Variants in CYB561 observed in about 807,000 individuals in gnomAD.
CYB561 encodes the protein cytochrome b561.
CYB561 carries 11 observed loss-of-function variants against 25.3 expected under a neutral mutation model. The observed-to-expected ratio is 0.44, with a 90% CI of 0.27 to 0.72. The LOEUF (loss-of-function observed/expected upper bound fraction) is 0.72, where lower values mean the gene tolerates loss of function less well. Among genes scored for constraint, CYB561 ranks in the 30% least tolerant of loss-of-function variants. CYB561 has a pLI of 0.18. For synonymous variants in CYB561, 165 were observed against 158.8 expected (o/e 1.04, Z -0.29); for missense variants, 295 against 334.9 (o/e 0.88, Z 0.93).
intron 1 of CYB561, among the ~76,000 whole-genome samples, chr17:63,440,504 C>T (rs1165004871): frequency 6.6e-6 from 1 of 152,174 alleles, no homozygotes; most frequent in African/African-American, 2.4e-5. Flanking sequence ...TAAGTGCCCC[C>T]GAGTGCCAGT....
In CYB561 at chr17:63,433,642, CAGGA is replaced by C. The variant is rs2049259268; in HGVS notation, c.*756_*759del. ...GGGTGCTACAAGGAGGGAGCCCCAG[CAGGA>C]AGGGGCTGCAAGGTGCCCCCCATCC... On this transcript the variant is annotated 3_prime_UTR_variant, in exon 6 of 6. Transcript: ENST00000360793. The C allele has an allele frequency of 2.7e-6, 1 of 368,914 alleles. No individual in the cohort carries two copies. The highest frequency in any genetic ancestry group is 2.1e-5 in the African/African-American group (1 of 47,934). 22.9% of individuals were successfully genotyped at this position (368,914 alleles called of 1,614,324 possible). A position where few individuals can be genotyped will look rare whatever the true frequency, so the allele number is the denominator to read the frequency against.
rs897159722 is a variant in CYB561, at chr17:63,432,524, G to A, written c.*1878C>T. On this transcript the variant is annotated 3_prime_UTR_variant, in exon 6 of 6. Coordinates refer to ENST00000360793, the MANE Select transcript of CYB561 (RefSeq NM_001915.4). Reference sequence around the variant, plus strand: ...TTCTCTCTGTAGCATTCCGGCTAGAGAGAGACACGATTGTACTTTGGTAGT... The same window carrying A: ...TTCTCTCTGTAGCATTCCGGCTAGAAAGAGACACGATTGTACTTTGGTAGT... 2.6e-5 allele frequency: 4 copies of A among 152,206 alleles called. No homozygotes were observed. Among genetic ancestry groups the A allele is most frequent in the Admixed American group, 2.6e-4 (4 of 15,272 alleles). 9.4% of individuals were successfully genotyped at this position (152,206 alleles called of 1,614,324 possible). A position where few individuals can be genotyped will look rare whatever the true frequency, so the allele number is the denominator to read the frequency against.
chr17:63,435,917 AGT>A, intron 3 of CYB561, 126 bp from the exon 4 acceptor site: 1 of 1,581,722 alleles, frequency 6.3e-7, no homozygotes, highest in Non-Finnish European at 8.6e-7. Context: ...GCCAGCACCT[AGT>A]GGCCCTGCAG....
chr17:63,445,077 G>A (rs1411215675), intron 1 of CYB561, among the ~76,000 whole-genome samples: 2 of 152,184 alleles, frequency 1.3e-5, no homozygotes, highest in Non-Finnish European at 2.9e-5. Flanking sequence ...TAGGGAGGCT[G>A]GAACAGGAGA....
At chr17:63,435,460 C>A in intron 4 of CYB561, 2 of 686,374 alleles carry the variant, frequency 2.9e-6, no homozygotes, top group East Asian at 5.4e-5. Context: ...ACTCAGAAAG[C>A]TGGGCTTGTG....
chr17:63,434,607 G>A lies in CYB561; in HGVS notation c.564-13C>T. 6.3e-7 allele frequency: 1 copy of A among 1,598,706 alleles called. No homozygotes were observed. Among genetic ancestry groups the A allele is most frequent in the South Asian group, 1.1e-5 (1 of 90,726 alleles). On this transcript the variant is annotated splice_polypyrimidine_tract_variant and intron_variant, in intron 5 of 5. Coordinates refer to ENST00000360793, the MANE Select transcript of CYB561 (RefSeq NM_001915.4). ...GCTATACTTGCCCCTGCAGGGGTGA[G>A]AGGAAGGGAGAAGCTGCCCAAGGGG...
In CYB561 at chr17:63,433,217, T is replaced by C. The variant is rs896165988; in HGVS notation, c.*1185A>G. ...CTGGCTAATTTTTTTGTATTTTTAGTAGAGACGGGGTTTCACTGTGTTTGT... is the reference window on the plus strand; with the variant it reads ...CTGGCTAATTTTTTTGTATTTTTAGCAGAGACGGGGTTTCACTGTGTTTGT... On this transcript the variant is annotated 3_prime_UTR_variant, in exon 6 of 6. Transcript: ENST00000360793. The C allele has an allele frequency of 1.0e-5, 4 of 391,336 alleles. No homozygotes were observed. The highest frequency in any genetic ancestry group is 1.8e-5 in the Non-Finnish European group (4 of 221,908). 24.2% of individuals were successfully genotyped at this position (391,336 alleles called of 1,614,324 possible). A position where few individuals can be genotyped will look rare whatever the true frequency, so the allele number is the denominator to read the frequency against.
chr17:63,434,086 C>T lies in CYB561; in HGVS notation c.*316G>A. The stretch of plus-strand genomic sequence containing the variant: ...GCATCTGCTGCCAGGAGGGTGGGGC[C>T]TCCTCTCTCGCTTCTTTAAAGATCT... On this transcript the variant is annotated 3_prime_UTR_variant, in exon 6 of 6. Coordinates refer to ENST00000360793, the MANE Select transcript of CYB561 (RefSeq NM_001915.4). The T allele has an allele frequency of 3.2e-6, 1 of 313,514 alleles. No individual in the cohort carries two copies. Among genetic ancestry groups the T allele is most frequent in the Non-Finnish European group, 5.8e-6 (1 of 171,692 alleles). The allele number at this position is 313,514 out of a possible 1,614,324, so 19.4% of individuals were successfully genotyped here.
At position 63,436,221 on chromosome 17, in the gene CYB561, G is replaced by A. The variant is rs1490818176; in HGVS notation, c.203-69C>T. 2 of 1,569,454 alleles carry A rather than the reference G, an allele frequency of 1.3e-6. No individual in the cohort carries two copies. The highest frequency in any genetic ancestry group is 2.3e-5 in the East Asian group (1 of 43,862). Reference sequence around the variant, plus strand: ...GTGAGGCCTCCTGCCCCAGCAGCAAGGAGGCACCTTGGTGGAGAGGTGATG... The same window carrying A: ...GTGAGGCCTCCTGCCCCAGCAGCAAAGAGGCACCTTGGTGGAGAGGTGATG... On this transcript the variant is annotated intron_variant, in intron 2 of 5. Coordinates refer to ENST00000360793, the MANE Select transcript of CYB561 (RefSeq NM_001915.4). This position sits in a 1 kb window ranked among gnomAD's most constrained non-coding sequence, Gnocchi z 4.8.
intron 1 of CYB561, among the ~76,000 whole-genome samples, chr17:63,443,713 G>A (rs1014223259): frequency 3.9e-5 from 6 of 152,142 alleles, no homozygotes; most frequent in African/African-American, 7.2e-5. Context: ...CAGCAGCCTC[G>A]AACTCCTGGG....
chr17:63,443,873 G>A (rs1242921933), intron 1 of CYB561, among the ~76,000 whole-genome samples: 1 of 152,170 alleles, frequency 6.6e-6, no homozygotes, highest in Admixed American at 6.5e-5. Context: ...CAGTCCTCCT[G>A]CCCCAGCCTC....
chr17:63,436,169 A>C lies in CYB561; in HGVS notation c.203-17T>G. 3 of 1,612,454 alleles carry C rather than the reference A, an allele frequency of 1.9e-6. No homozygotes were observed. Among genetic ancestry groups the C allele is most frequent in the Non-Finnish European group, 2.5e-6 (3 of 1,178,734 alleles). On this transcript the variant is annotated splice_polypyrimidine_tract_variant and intron_variant, in intron 2 of 5. Transcript: ENST00000360793. The surrounding 1 kb of genome is among the most constrained non-coding windows in gnomAD (Gnocchi z 4.8). ...CCAGCAGGGCTGTGGGAGGTGAGAG[A>C]GGGAACGTGAGTGCATCCGCCTGTG...
At position 63,434,573 on chromosome 17, in the gene CYB561, C is replaced by T. The variant is rs746401359; in HGVS notation, c.585G>A (p.Glu195=). The T allele has an allele frequency of 6.2e-7, 1 of 1,610,956 alleles. No individual in the cohort carries two copies. Among genetic ancestry groups the T allele is most frequent in the African/African-American group, 1.3e-5 (1 of 74,892 alleles). The change falls in exon 6 of 6, where the codon GAG becomes GAA. Residue 195 remains glutamate, a synonymous_variant. Coordinates refer to ENST00000360793, the MANE Select transcript of CYB561 (RefSeq NM_001915.4). ...GCACGTTGGCCAGGACACCCTCGGG[C>T]TCAAATGCGCTATACTTGCCCCTGC... The part of the protein sequence containing the change: ...FNLGGKYSAF[E]PEGVLANVLG...
chr17:63,437,326 G>A lies in CYB561; in HGVS notation c.202+20C>T. On this transcript the variant is annotated intron_variant, in intron 2 of 5. Coordinates refer to ENST00000360793, the MANE Select transcript of CYB561 (RefSeq NM_001915.4). ...GACCCCCACAAGCCCGGGAAAAGAG[G>A]AGCGGCCCATGGGACTCACCATTTC... 6.3e-7 allele frequency: 1 copy of A among 1,598,360 alleles called. No individual in the cohort carries two copies. Among genetic ancestry groups the A allele is most frequent in the Non-Finnish European group, 8.6e-7 (1 of 1,166,788 alleles).
chr17:63,437,987 C>CCCGCGCCCCCCCG, intron 1 of CYB561: 1 of 986,152 alleles, frequency 1.0e-6, no homozygotes, highest in Non-Finnish European at 1.4e-6. Flanking sequence ...CACCCTCCCC[C>CCCGCGCCCCCCCG]GAGGCTCCCG....
At chr17:63,435,291 C>A in intron 4 of CYB561, 48 bp from the exon 5 acceptor site, 1 of 1,593,898 alleles carries the variant, frequency 6.3e-7, no homozygotes, top group Non-Finnish European at 8.5e-7. Context: ...CCGGACACCC[C>A]AGCAGCCGAG....
chr17:63,433,096 A>AATCT lies in CYB561; in HGVS notation c.*1302_*1305dup, dbSNP rs1199854636. On this transcript the variant is annotated 3_prime_UTR_variant, in exon 6 of 6. Coordinates refer to ENST00000360793, the MANE Select transcript of CYB561 (RefSeq NM_001915.4). ...GAGCCTGTCGCCCAGGCTGGAGTGC[A>AATCT]ATCTCAGCTCACTGCAAGCGCCATC... The AATCT allele has an allele frequency of 6.5e-6, 2 of 309,378 alleles. No individual in the cohort carries two copies. The highest frequency in any genetic ancestry group is 1.2e-5 in the Non-Finnish European group (2 of 170,444). 19.2% of individuals were successfully genotyped at this position (309,378 alleles called of 1,614,324 possible). A position where few individuals can be genotyped will look rare whatever the true frequency, so the allele number is the denominator to read the frequency against.
chr17:63,435,051 C>A, intron 5 of CYB561, 35 bp downstream of exon 5: 1 of 1,596,278 alleles, frequency 6.3e-7, no homozygotes, highest in Non-Finnish European at 8.5e-7. Context: ...GCAAGGGTGG[C>A]CCAGGCCCTG....
chr17:63,444,173 G>A lies in CYB561; in HGVS notation c.-14+2072C>T, dbSNP rs115545104. Among the ~76,000 whole-genome samples the A allele has an allele frequency of 3.0e-3, 455 of 152,270 alleles. 3 individuals carry two copies. The highest frequency in any genetic ancestry group is 0.01 in the African/African-American group (431 of 41,562). On this transcript the variant is annotated intron_variant, in intron 1 of 5. Coordinates refer to ENST00000360793, the MANE Select transcript of CYB561 (RefSeq NM_001915.4). ...AATTTTTTGTATCTTTTGTAGAGAC[G>A]CGCTTTCACCACTGCGCCGGGCCAA...
Sources: allele counts gnomAD v4.1 joint callset (sites outside exome capture counted in the v4.1 genomes callset), GRCh38; gene constraint gnomAD v4.1.1; non-coding constraint Gnocchi (gnomAD v3.1); transcripts MANE v1.5; gene names NCBI Gene and HGNC (gene_info 2026-07-23, HGNC 2026-07-21).